The following NAALADL2 variants were observed in gnomAD, a reference collection of about 807,000 sequenced individuals.
NAALADL2 encodes the protein N-acetylated alpha-linked acidic dipeptidase like 2, also known as inactive N-acetylated-alpha-linked acidic dipeptidase-like protein 2.
A neutral mutation model predicts 87.2 loss-of-function variants in NAALADL2; 76 were observed. The observed-to-expected ratio is 0.87, with a 90% CI of 0.72 to 1.05. The LOEUF (loss-of-function observed/expected upper bound fraction) is 1.05. Ranked by LOEUF, NAALADL2 falls within the 50% of genes least tolerant of loss-of-function variation. The probability of loss-of-function intolerance (pLI) is 0.00; values close to 1 mark genes in which losing one functional copy is unlikely to be tolerated. For synonymous variants in NAALADL2, 354 were observed against 331.0 expected (o/e 1.07, Z -0.75); for missense variants, 1,089 against 945.8 (o/e 1.15, Z -1.99).
intron 5 of NAALADL2, among the ~76,000 whole-genome samples, chr3:175,392,968 T>C (rs1338662786): frequency 1.3e-5 from 2 of 152,196 alleles, no homozygotes; most frequent in Non-Finnish European, 2.9e-5. Context: ...TAGTTCTGTT[T>C]CCAAGTTTTT....
intron 11 of NAALADL2, among the ~76,000 whole-genome samples, chr3:175,694,686 C>T (rs994784242): frequency 2.0e-5 from 3 of 152,054 alleles, no homozygotes; most frequent in African/African-American, 7.2e-5. Flanking sequence ...TATAAGGCAC[C>T]TCTATGAGAT....
At chr3:174,641,848 C>T (rs962927520) in intron 2 of NAALADL2, among the ~76,000 whole-genome samples, 1 of 152,126 alleles carries the variant, frequency 6.6e-6, no homozygotes, top group Non-Finnish European at 1.5e-5. Flanking sequence ...CCTCAACCTC[C>T]CGGGCTCAAG....
In NAALADL2 at chr3:175,234,223, T is replaced by A; in HGVS notation, c.819+19T>A. The A allele has an allele frequency of 6.2e-7, 1 of 1,607,944 alleles. No individual in the cohort carries two copies. Among genetic ancestry groups the A allele is most frequent in the Non-Finnish European group, 8.5e-7 (1 of 1,176,564 alleles). On this transcript the variant is annotated intron_variant, in intron 3 of 13. Transcript: ENST00000454872. ...TCTCAAGGTAATATGACCATTTGTCTCTGTCATTTACAGTGAGATGGAATT... is the reference window on the plus strand; with the variant it reads ...TCTCAAGGTAATATGACCATTTGTCACTGTCATTTACAGTGAGATGGAATT...
intron 4 of NAALADL2, among the ~76,000 whole-genome samples, chr3:175,258,877 A>G (rs1200601366): frequency 6.6e-6 from 1 of 152,202 alleles, no homozygotes; most frequent in Non-Finnish European, 1.5e-5. Flanking sequence ...CCTGCATCCC[A>G]TGAGTAGGCA....
At chr3:175,704,656 T>C (rs1234232912) in intron 11 of NAALADL2, among the ~76,000 whole-genome samples, 2 of 152,170 alleles carry the variant, frequency 1.3e-5, no homozygotes, top group Non-Finnish European at 1.5e-5. Context: ...CATACAAACA[T>C]ATGCTCTTCA....
At position 175,490,816 on chromosome 3, in the gene NAALADL2, C is replaced by T. The variant is rs115003452; in HGVS notation, c.1653+19058C>T. On this transcript the variant is annotated intron_variant, in intron 9 of 13. Transcript: ENST00000454872. ...AAAGAAAATGGAGATCCCCTCTTCC[C>T]CACCAAACAGGGAGGTAGGCAATCC... Among the ~76,000 whole-genome samples, 236 of 152,142 alleles carry T rather than the reference C, an allele frequency of 1.6e-3. 1 individual carries two copies. Among genetic ancestry groups the T allele is most frequent in the African/African-American group, 5.4e-3 (224 of 41,534 alleles).
At chr3:174,989,116 TAC>T (rs1553911637) in intron 1 of NAALADL2, among the ~76,000 whole-genome samples, 1 of 152,116 alleles carries the variant, frequency 6.6e-6, no homozygotes, top group Non-Finnish European at 1.5e-5. Flanking sequence ...TAGGAACTAA[TAC>T]AGTGAGAACT....
At chr3:174,592,470 G>A (rs1007621259) in intron 2 of NAALADL2, among the ~76,000 whole-genome samples, 1 of 152,092 alleles carries the variant, frequency 6.6e-6, no homozygotes, top group Non-Finnish European at 1.5e-5. Context: ...ATTAGAATCA[G>A]TAGTTAGGTA....
intron 9 of NAALADL2, among the ~76,000 whole-genome samples, chr3:175,560,218 C>A (rs140407638): frequency 1.3e-5 from 2 of 152,074 alleles, no homozygotes; most frequent in African/African-American, 4.8e-5. Flanking sequence ...AGTTTAGTGG[C>A]GTAGTTGATC....
At chr3:174,824,864 CAA>C (rs1216135367) in intron 3 of NAALADL2, among the ~76,000 whole-genome samples, 1 of 151,914 alleles carries the variant, frequency 6.6e-6, no homozygotes, top group Non-Finnish European at 1.5e-5. Flanking sequence ...TGTAACTCAT[CAA>C]AAAAATAAGA....
At chr3:175,578,526 C>A (rs891140581) in intron 10 of NAALADL2, among the ~76,000 whole-genome samples, 4 of 152,140 alleles carry the variant, frequency 2.6e-5, no homozygotes, top group Non-Finnish European at 4.4e-5. Context: ...GCATTTTATA[C>A]CCCTTATATC....
At chr3:175,455,029 T>G (rs1021229917) in intron 6 of NAALADL2, among the ~76,000 whole-genome samples, 8 of 152,238 alleles carry the variant, frequency 5.3e-5, no homozygotes, top group Middle Eastern at 3.4e-3. Context: ...TAATTGCTAC[T>G]ACTGTAAACC....
intron 9 of NAALADL2, among the ~76,000 whole-genome samples, chr3:175,483,245 T>C (rs1284468271): frequency 2.0e-5 from 3 of 151,672 alleles, no homozygotes. Context: ...AAAGAGTCAT[T>C]AAGTCTTTAG....
intron 1 of NAALADL2, among the ~76,000 whole-genome samples, chr3:174,901,689 T>C (rs976970994): frequency 6.6e-6 from 1 of 152,144 alleles, no homozygotes; most frequent in Non-Finnish European, 1.5e-5. Context: ...ACATGCCATT[T>C]CCAGTCAGGT....
chr3:174,629,773 G>A (rs931219078), intron 2 of NAALADL2, among the ~76,000 whole-genome samples: 3 of 152,052 alleles, frequency 2.0e-5, no homozygotes. Flanking sequence ...TTTTACCTAC[G>A]TATGTATGCG....
chr3:175,295,718 A>AACACACACACAC (rs58935758), intron 4 of NAALADL2, among the ~76,000 whole-genome samples: 3 of 143,656 alleles, frequency 2.1e-5, no homozygotes, highest in East Asian at 2.1e-4. Flanking sequence ...CATGCACACA[A>AACACACACACAC]ACACACACAC....
intron 1 of NAALADL2, among the ~76,000 whole-genome samples, chr3:174,882,758 T>A (rs1210045170): frequency 7.1e-6 from 1 of 139,926 alleles, no homozygotes; most frequent in Non-Finnish European, 1.6e-5. Context: ...CACACGTGTA[T>A]ATATACACAC....
chr3:174,452,915 C>T (rs1051025538), intron 1 of NAALADL2, among the ~76,000 whole-genome samples: 8 of 152,214 alleles, frequency 5.3e-5, no homozygotes, highest in African/African-American at 9.6e-5. Flanking sequence ...CTCCAGCAAG[C>T]GTTCTGAACT....
chr3:175,593,427 T>C (rs1190022409), intron 10 of NAALADL2, among the ~76,000 whole-genome samples: 1 of 152,150 alleles, frequency 6.6e-6, no homozygotes, highest in African/African-American at 2.4e-5. Context: ...TGTAGAACCA[T>C]GAAACAGGAC....
Sources: allele counts gnomAD v4.1 joint callset (sites outside exome capture counted in the v4.1 genomes callset), GRCh38; gene constraint gnomAD v4.1.1; transcripts MANE v1.5; gene names NCBI Gene and HGNC (gene_info 2026-07-23, HGNC 2026-07-21).